Variants in OCLN observed in about 807,000 individuals in gnomAD.
OCLN encodes the protein occludin.
In OCLN, 21 loss-of-function variants were observed where a neutral mutation model predicts 47.9. The observed-to-expected ratio is 0.44, with a 90% CI of 0.31 to 0.63. The LOEUF (loss-of-function observed/expected upper bound fraction) is 0.63. Among genes scored for constraint, OCLN ranks in the 30% least tolerant of loss-of-function variants. The pLI is 0.08. For missense variants in OCLN, 360 were observed against 571.0 expected, an observed-to-expected ratio of 0.63 and a Z score of 3.77; for synonymous variants, 117 against 198.4, an observed-to-expected ratio of 0.59 and a Z score of 3.45.
chr5:69,519,483 A>G (rs2112015573), intron 4 of OCLN, among the ~76,000 whole-genome samples: 2 of 152,078 alleles, frequency 1.3e-5, no homozygotes, highest in East Asian at 3.9e-4. Flanking sequence ...CTTTTTCTGG[A>G]TATCTTGTTC....
chr5:69,499,932 C>A (rs1385989442), intron 1 of OCLN, among the ~76,000 whole-genome samples: 1 of 152,174 alleles, frequency 6.6e-6, no homozygotes, highest in Non-Finnish European at 1.5e-5. Context: ...ATTATTCCCG[C>A]ATTTGAGTGC....
At chr5:69,523,845 C>G (rs1769208640) in intron 4 of OCLN, among the ~76,000 whole-genome samples, 1 of 151,702 alleles carries the variant, frequency 6.6e-6, no homozygotes, top group South Asian at 2.1e-4. Flanking sequence ...CAATGATTAC[C>G]TTTTTAAAAA....
chr5:69,494,573 T>C (rs1467652160), intron 1 of OCLN, among the ~76,000 whole-genome samples: 2 of 151,478 alleles, frequency 1.3e-5, no homozygotes, highest in African/African-American at 2.4e-5. Context: ...AAAGCAACAC[T>C]TTTTTTTTGG....
intron 4 of OCLN, among the ~76,000 whole-genome samples, chr5:69,517,060 C>T (rs1167233967): frequency 6.6e-6 from 1 of 151,810 alleles, no homozygotes; most frequent in Non-Finnish European, 1.5e-5. Flanking sequence ...GACCCTGTCT[C>T]GGAAAAAAAT....
At chr5:69,527,816 T>G (rs1313962788) in intron 4 of OCLN, among the ~76,000 whole-genome samples, 1 of 152,026 alleles carries the variant, frequency 6.6e-6, no homozygotes, top group Non-Finnish European at 1.5e-5. Context: ...GTGTCTGACC[T>G]CCCATTCTGT....
intron 5 of OCLN, among the ~76,000 whole-genome samples, chr5:69,538,341 C>G (rs1431743228): frequency 5.9e-5 from 9 of 152,086 alleles, no homozygotes; most frequent in Non-Finnish European, 8.8e-5. Flanking sequence ...AGTCTCACTC[C>G]GTTACCCAGG....
At chr5:69,515,311 C>T (rs1403217192) in intron 4 of OCLN, among the ~76,000 whole-genome samples, 1 of 114,324 alleles carries the variant, frequency 8.7e-6, no homozygotes, top group African/African-American at 3.4e-5. Context: ...CCGGATGGGG[C>T]GGCTGGCCGG....
At chr5:69,500,365 T>C (rs1387963072) in intron 1 of OCLN, among the ~76,000 whole-genome samples, 1 of 152,002 alleles carries the variant, frequency 6.6e-6, no homozygotes, top group African/African-American at 2.4e-5. Flanking sequence ...GGAAATGAAG[T>C]TGGTGTGGCA....
chr5:69,531,350 A>G (rs1769427639), intron 4 of OCLN, among the ~76,000 whole-genome samples: 1 of 152,204 alleles, frequency 6.6e-6, no homozygotes, highest in South Asian at 2.1e-4. Flanking sequence ...CAATTAAGGA[A>G]TAGCTGGCAA....
At chr5:69,503,172 C>T (rs547407749) in intron 1 of OCLN, among the ~76,000 whole-genome samples, 1 of 152,298 alleles carries the variant, frequency 6.6e-6, no homozygotes, top group African/African-American at 2.4e-5. Flanking sequence ...GTCTCCTAAG[C>T]TAGTCCTTCA....
At chr5:69,528,478 A>C (rs1351600077) in intron 4 of OCLN, among the ~76,000 whole-genome samples, 1 of 152,204 alleles carries the variant, frequency 6.6e-6, no homozygotes, top group Non-Finnish European at 1.5e-5. Flanking sequence ...TAGGCAAATA[A>C]AGCTTTTCAA....
At chr5:69,504,097 C>T in intron 1 of OCLN, 80 bp from the exon 2 acceptor site, 1 of 685,590 alleles carries the variant, frequency 1.5e-6, no homozygotes, top group South Asian at 1.6e-5. Context: ...GAGACCCTGT[C>T]TCGGGGTGGG....
chr5:69,514,035 A>C lies in OCLN; in HGVS notation c.817A>C (p.Arg273=). 6.2e-7 allele frequency: 1 copy of C among 1,613,006 alleles called. No homozygotes were observed. The highest frequency in any genetic ancestry group is 1.1e-5 in the South Asian group (1 of 91,074). ...FAVKTRRKMD[R]YDKSNILWDK... is the part of the protein sequence containing the mutation. ...TGTGAAAACTCGAAGAAAGATGGAC[A>C]GGTATGACAAGTCCAATATTTTGTG... is the stretch of plus-strand genomic sequence containing the variant. Residue 273 remains arginine (R), a synonymous_variant, in exon 4 of 9, where the codon AGG becomes CGG. Coordinates refer to ENST00000396442, the MANE Select transcript of OCLN (RefSeq NM_001205254.2).
intron 1 of OCLN, among the ~76,000 whole-genome samples, chr5:69,497,584 C>T (rs1009773573): frequency 6.6e-6 from 1 of 151,804 alleles, no homozygotes; most frequent in African/African-American, 2.4e-5. Flanking sequence ...GACGAGGTTT[C>T]ACCGTGTTGG....
intron 2 of OCLN, 150 bp from the exon 3 acceptor site, chr5:69,508,991 T>C: frequency 2.8e-6 from 2 of 714,122 alleles, no homozygotes; most frequent in Non-Finnish European, 4.8e-6. Context: ...CCAATAATCT[T>C]ATGTTTTAAC....
chr5:69,526,398 C>T (rs148552999), intron 4 of OCLN, among the ~76,000 whole-genome samples: 27 of 152,174 alleles, frequency 1.8e-4, no homozygotes, highest in African/African-American at 5.8e-4. Context: ...ACAGGCTGGG[C>T]GACCAAAGAC....
chr5:69,515,498 C>T (rs1768918186), intron 4 of OCLN, among the ~76,000 whole-genome samples: 1 of 144,286 alleles, frequency 6.9e-6, no homozygotes. Flanking sequence ...AGAGGCGCCC[C>T]TCACCTCCCG....
chr5:69,530,992 G>A (rs906394239), intron 4 of OCLN, among the ~76,000 whole-genome samples: 2 of 152,222 alleles, frequency 1.3e-5, no homozygotes, highest in African/African-American at 4.8e-5. Flanking sequence ...GAAACTGCCC[G>A]CCCTTGCATT....
chr5:69,519,292 C>T (rs953780293), intron 4 of OCLN, among the ~76,000 whole-genome samples: 1 of 152,168 alleles, frequency 6.6e-6, no homozygotes, highest in African/African-American at 2.4e-5. Context: ...GATTATAACA[C>T]GCCTCCTGCC....
Sources: allele counts gnomAD v4.1 joint callset (sites outside exome capture counted in the v4.1 genomes callset), GRCh38; gene constraint gnomAD v4.1.1; transcripts MANE v1.5; gene names NCBI Gene and HGNC (gene_info 2026-07-23, HGNC 2026-07-21).